TRIM24: variants seen among roughly 807,000 people sequenced by gnomAD.
The protein encoded by TRIM24 is transcription intermediary factor 1-alpha.
In TRIM24, 29 loss-of-function variants were observed where a neutral mutation model predicts 123.9. That is an observed-to-expected ratio of 0.23 (90% CI 0.17 to 0.32). The LOEUF is 0.32. Ranked by LOEUF, TRIM24 falls within the 10% of genes least tolerant of loss-of-function variation. The pLI, the probability that TRIM24 is intolerant of heterozygous loss-of-function variation, is 1.00. For synonymous variants in TRIM24, 456 were observed against 461.1 expected, an observed-to-expected ratio of 0.99 and a Z score of 0.14; for missense variants, 932 against 1,295.3, an observed-to-expected ratio of 0.72 and a Z score of 4.31.
intron 1 of TRIM24, among the ~76,000 whole-genome samples, chr7:138,472,025 A>G (rs1201711965): frequency 1.3e-5 from 2 of 152,126 alleles, no homozygotes; most frequent in Non-Finnish European, 2.9e-5. Flanking sequence ...AAAAAAAGAA[A>G]AAAAACCAAC....
intron 4 of TRIM24, among the ~76,000 whole-genome samples, chr7:138,522,300 C>T (rs914360188): frequency 6.6e-6 from 1 of 151,312 alleles, no homozygotes; most frequent in African/African-American, 2.4e-5. Flanking sequence ...GGCACCATTG[C>T]ACCCTGGCCG....
At chr7:138,539,687 GTTTT>G (rs1038893804) in intron 7 of TRIM24, among the ~76,000 whole-genome samples, 4 of 151,392 alleles carry the variant, frequency 2.6e-5, no homozygotes, top group Non-Finnish European at 5.9e-5. Context: ...AAGCCATACA[GTTTT>G]TTTAAGTTTT....
intron 9 of TRIM24, among the ~76,000 whole-genome samples, chr7:138,555,721 A>T (rs1277089013): frequency 6.6e-6 from 1 of 151,956 alleles, no homozygotes; most frequent in African/African-American, 2.4e-5. Flanking sequence ...TGACCTTGTG[A>T]TCCACCCACC....
chr7:138,502,470 T>C (rs1293040295), intron 1 of TRIM24, among the ~76,000 whole-genome samples: 1 of 152,202 alleles, frequency 6.6e-6, no homozygotes. Context: ...TACAGAGCAA[T>C]CAATGAAGAG....
At chr7:138,470,012 A>G (rs964379158) in intron 1 of TRIM24, among the ~76,000 whole-genome samples, 12 of 152,190 alleles carry the variant, frequency 7.9e-5, no homozygotes, top group African/African-American at 1.4e-4. Context: ...CCCTCCAGTC[A>G]GGCAGTTCCT....
intron 1 of TRIM24, among the ~76,000 whole-genome samples, chr7:138,465,309 G>GGA (rs1563019739): frequency 2.0e-5 from 3 of 152,176 alleles, no homozygotes; most frequent in African/African-American, 7.2e-5. Flanking sequence ...GTTATATCTA[G>GGA]GAGAGAGGCA....
chr7:138,516,778 T>G (rs1168336720), intron 3 of TRIM24, among the ~76,000 whole-genome samples: 1 of 152,022 alleles, frequency 6.6e-6, no homozygotes, highest in Non-Finnish European at 1.5e-5. Context: ...TTCATCCATG[T>G]AATAGCATGT....
At chr7:138,564,783 C>G (rs1797500420) in intron 9 of TRIM24, among the ~76,000 whole-genome samples, 1 of 152,192 alleles carries the variant, frequency 6.6e-6, no homozygotes, top group Admixed American at 6.5e-5. Context: ...TCACAGAGTT[C>G]TCAACCTCTG....
intron 1 of TRIM24, among the ~76,000 whole-genome samples, chr7:138,471,585 G>T (rs932288731): frequency 6.6e-6 from 1 of 151,696 alleles, no homozygotes; most frequent in East Asian, 1.9e-4. Context: ...CTGTCATCCA[G>T]GCTGGAGTGC....
chr7:138,557,404 C>T (rs984079704), intron 9 of TRIM24, among the ~76,000 whole-genome samples: 3 of 152,126 alleles, frequency 2.0e-5, no homozygotes, highest in African/African-American at 7.2e-5. Context: ...TTAGTTAGAG[C>T]CATTAGCTGA....
chr7:138,490,701 A>G (rs1795762027), intron 1 of TRIM24: 2 of 445,288 alleles, frequency 4.5e-6, no homozygotes, highest in South Asian at 3.5e-5. Context: ...TTCCAGTTCA[A>G]ACCTGGGCTT....
At chr7:138,566,360 A>G (rs1004303961) in intron 9 of TRIM24, among the ~76,000 whole-genome samples, 11 of 152,114 alleles carry the variant, frequency 7.2e-5, no homozygotes, top group African/African-American at 1.7e-4. Context: ...TACTAAAAAT[A>G]CAAAAATTAG....
chr7:138,467,705 G>A (rs935732969), intron 1 of TRIM24, among the ~76,000 whole-genome samples: 2 of 151,992 alleles, frequency 1.3e-5, no homozygotes, highest in African/African-American at 4.8e-5. Context: ...TAAATTCTCG[G>A]CACTGTCTTG....
chr7:138,515,104 G>A lies in TRIM24; in HGVS notation c.484-108G>A, dbSNP rs1584712385. Reference sequence around the variant, plus strand: ...TTAAAATTTCCCAACACCATTAGGAGGCTAACTGATTTAGCCTGGTACAAT... The same window carrying A: ...TTAAAATTTCCCAACACCATTAGGAAGCTAACTGATTTAGCCTGGTACAAT... On this transcript the variant is annotated intron_variant, in intron 2 of 18. Transcript: ENST00000343526. 2.9e-5 allele frequency: 33 copies of A among 1,130,252 alleles called. No homozygotes were observed. The East Asian group carries it at 8.0e-4, about 27-fold the overall frequency. 70.0% of individuals were successfully genotyped at this position (1,130,252 alleles called of 1,614,324 possible). A position where few individuals can be genotyped will look rare whatever the true frequency, so the allele number is the denominator to read the frequency against.
At chr7:138,461,651 G>T (rs966327180) in intron 1 of TRIM24, among the ~76,000 whole-genome samples, 2 of 152,142 alleles carry the variant, frequency 1.3e-5, no homozygotes, top group South Asian at 2.1e-4. Flanking sequence ...GTTTATTACT[G>T]TAAAATTAGA....
intron 2 of TRIM24, among the ~76,000 whole-genome samples, chr7:138,512,212 T>C (rs974686756): frequency 8.5e-5 from 13 of 152,304 alleles, no homozygotes; most frequent in Middle Eastern, 3.4e-3. Context: ...CCCCCACAGC[T>C]GCTCTCATAG....
chr7:138,483,111 G>A (rs563046523), intron 1 of TRIM24, among the ~76,000 whole-genome samples: 48 of 150,688 alleles, frequency 3.2e-4, no homozygotes, highest in Non-Finnish European at 5.8e-4. Flanking sequence ...TAGCGGGGGG[G>A]GTCTCACTTT....
chr7:138,533,444 A>G (rs985650139), intron 6 of TRIM24, among the ~76,000 whole-genome samples: 14 of 152,342 alleles, frequency 9.2e-5, no homozygotes, highest in Admixed American at 2.6e-4. Flanking sequence ...AATTTTGTCA[A>G]AGGCCTTTCC....
At chr7:138,466,280 C>G (rs1011371722) in intron 1 of TRIM24, among the ~76,000 whole-genome samples, 22 of 152,164 alleles carry the variant, frequency 1.4e-4, no homozygotes, top group African/African-American at 5.3e-4. Context: ...CAGGCGTGAG[C>G]CACTGTGCCT....
Sources: allele counts gnomAD v4.1 joint callset (sites outside exome capture counted in the v4.1 genomes callset), GRCh38; gene constraint gnomAD v4.1.1; transcripts MANE v1.5; gene names NCBI Gene and HGNC (gene_info 2026-07-23, HGNC 2026-07-21).